Variants in ACOXL observed in about 807,000 individuals in gnomAD.
The protein encoded by ACOXL is acyl-coenzyme A oxidase-like protein.
Under a neutral mutation model 71.9 loss-of-function variants are expected in ACOXL, and 70 were observed. The observed-to-expected ratio is 0.97, with a 90% CI of 0.80 to 1.19. The LOEUF is 1.19. ACOXL is among the 50% of genes most tolerant of loss of function. The pLI is 0.00. For missense variants in ACOXL, 703 were observed against 736.3 expected, an observed-to-expected ratio of 0.95 and a Z score of 0.52; for synonymous variants, 253 against 281.6, an observed-to-expected ratio of 0.90 and a Z score of 1.02.
At chr2:110,811,781 A>G (rs1189520759) in intron 9 of ACOXL, among the ~76,000 whole-genome samples, 1 of 149,550 alleles carries the variant, frequency 6.7e-6, no homozygotes, top group East Asian at 2.0e-4. Flanking sequence ...ACACACACAC[A>G]CACACGCGGG....
At chr2:110,799,234 A>AT in intron 7 of ACOXL, 134 bp downstream of exon 7, 1 of 809,438 alleles carries the variant, frequency 1.2e-6, no homozygotes, top group Admixed American at 2.1e-5. Flanking sequence ...AGATGTCCAG[A>AT]TTTTGAAGCC....
rs1430932944 is a variant in ACOXL at position 110,844,254 on chromosome 2, G to A, written c.788+2849G>A. Among the ~76,000 whole-genome samples, 3 of 152,250 alleles carry A rather than the reference G, an allele frequency of 2.0e-5. No homozygotes were observed. In the East Asian group the frequency reaches 5.8e-4, roughly 29 times the overall value. ...ACGGACTGACATCTTCAATACTGTG[G>A]AAACGGAGAAGGGATGATCAAAGGG... On this transcript the variant is annotated intron_variant, in intron 10 of 17. Transcript: ENST00000439055.
At chr2:111,045,467 C>T (rs1403815238) in intron 15 of ACOXL, among the ~76,000 whole-genome samples, 1 of 152,174 alleles carries the variant, frequency 6.6e-6, no homozygotes, top group Non-Finnish European at 1.5e-5. Context: ...GCTTTTCCCC[C>T]TTTTGCTCAG....
At chr2:110,942,937 G>GAAGA (rs533283258) in intron 12 of ACOXL, among the ~76,000 whole-genome samples, 54 of 120,876 alleles carry the variant, frequency 4.5e-4, no homozygotes, top group South Asian at 9.0e-4. Context: ...AAGAAAGAAA[G>GAAGA]AAGAAAGAAA....
intron 12 of ACOXL, among the ~76,000 whole-genome samples, chr2:110,936,753 G>A (rs4849268): frequency 0.67 from 102,436 of 152,040 alleles, 35,199 homozygotes; most frequent in East Asian, 0.84. Context: ...TTCTGAGCAC[G>A]GGAGCTTCTG....
chr2:110,867,823 C>A (rs1573909871), intron 10 of ACOXL, among the ~76,000 whole-genome samples: 1 of 152,066 alleles, frequency 6.6e-6, no homozygotes, highest in East Asian at 1.9e-4. Context: ...AGTGCAGTGG[C>A]ATGATCTCGG....
At chr2:110,743,247 C>T (rs1677765500) in intron 1 of ACOXL, among the ~76,000 whole-genome samples, 1 of 152,184 alleles carries the variant, frequency 6.6e-6, no homozygotes, top group Non-Finnish European at 1.5e-5. Flanking sequence ...ACCAATACTT[C>T]AATTCTTTTT....
intron 11 of ACOXL, among the ~76,000 whole-genome samples, chr2:110,931,689 C>T (rs1574171656): frequency 6.6e-6 from 1 of 152,268 alleles, no homozygotes; most frequent in East Asian, 1.9e-4. Flanking sequence ...ATTATATCTC[C>T]ATTTTACAGA....
intron 16 of ACOXL, among the ~76,000 whole-genome samples, chr2:111,076,591 T>C (rs994447849): frequency 6.9e-4 from 105 of 152,350 alleles, no homozygotes; most frequent in African/African-American, 2.4e-3. Flanking sequence ...ATTATTGATA[T>C]GTTTGGATTA....
intron 14 of ACOXL, among the ~76,000 whole-genome samples, chr2:111,004,028 C>G (rs1489818024): frequency 1.3e-5 from 2 of 152,174 alleles, no homozygotes; most frequent in Non-Finnish European, 2.9e-5. Context: ...TGGCTCATGT[C>G]TACCTGCATT....
At chr2:110,909,379 A>C (rs777273121) in intron 11 of ACOXL, among the ~76,000 whole-genome samples, 1 of 152,160 alleles carries the variant, frequency 6.6e-6, no homozygotes, top group Non-Finnish European at 1.5e-5. Context: ...CTGGAAATTC[A>C]CATTCTACCA....
In ACOXL at chr2:110,947,122, T is replaced by TGA. The variant is rs200800586; in HGVS notation, c.1059+13484_1059+13485dup. On this transcript the variant is annotated intron_variant, in intron 12 of 17. Transcript: ENST00000439055. ...CACCTGCCCTTGTGGGAACACTGCC[T>TGA]GAGAGCCGAACTCTGCTGGCTCTGA... Among the ~76,000 whole-genome samples the TGA allele has an allele frequency of 7.6e-3, 1,157 of 152,320 alleles. 8 individuals carry two copies. The highest frequency in any genetic ancestry group is 0.044 in the Middle Eastern group (13 of 294).
chr2:111,043,981 C>T (rs187762774), intron 15 of ACOXL, among the ~76,000 whole-genome samples: 1 of 152,274 alleles, frequency 6.6e-6, no homozygotes, highest in East Asian at 1.9e-4. Context: ...AAGGAGCCTG[C>T]CCCTCCTATG....
intron 1 of ACOXL, among the ~76,000 whole-genome samples, chr2:110,745,298 G>A (rs936672870): frequency 6.6e-6 from 1 of 152,200 alleles, no homozygotes; most frequent in African/African-American, 2.4e-5. Flanking sequence ...GGCAGGAAGA[G>A]AGGGACCCTT....
chr2:110,751,443 C>T (rs1413034279), intron 1 of ACOXL, among the ~76,000 whole-genome samples: 1 of 152,018 alleles, frequency 6.6e-6, no homozygotes, highest in African/African-American at 2.4e-5. Flanking sequence ...ATCTATTGAT[C>T]TCTCTATTCA....
chr2:110,801,871 A>G, intron 8 of ACOXL, 147 bp downstream of exon 8: 2 of 642,438 alleles, frequency 3.1e-6, no homozygotes, highest in Non-Finnish European at 2.7e-6. Context: ...CTAATTGGAA[A>G]AGATACGTCT....
chr2:110,901,496 G>A (rs1355061127), intron 10 of ACOXL, among the ~76,000 whole-genome samples: 1 of 152,192 alleles, frequency 6.6e-6, no homozygotes, highest in African/African-American at 2.4e-5. Flanking sequence ...TGAGGGTTGG[G>A]AGGAAAAGAG....
At chr2:110,937,410 G>A (rs942681219) in intron 12 of ACOXL, among the ~76,000 whole-genome samples, 1 of 152,134 alleles carries the variant, frequency 6.6e-6, no homozygotes, top group African/African-American at 2.4e-5. Context: ...AAATGTTTTA[G>A]GAGCTCTGTG....
intron 1 of ACOXL, among the ~76,000 whole-genome samples, chr2:110,736,534 C>G (rs980508854): frequency 5.9e-5 from 9 of 152,150 alleles, no homozygotes; most frequent in African/African-American, 2.2e-4. Context: ...GGAGGTTCAT[C>G]CATGTTGTAG....
Sources: gnomAD v4.1 joint callset for allele counts (sites outside exome capture counted in the v4.1 genomes callset) on GRCh38, gnomAD v4.1.1 for gene constraint, MANE v1.5 for transcripts, NCBI Gene and HGNC (gene_info 2026-07-23, HGNC 2026-07-21) for gene names.